Variants in ZNF385D observed in about 807,000 individuals in gnomAD.
The protein encoded by ZNF385D is zinc finger protein 659.
A neutral mutation model predicts 35.8 loss-of-function variants in ZNF385D; 15 were observed. That is an observed-to-expected ratio of 0.42 (90% confidence interval 0.28 to 0.64). The LOEUF (loss-of-function observed/expected upper bound fraction) is 0.64. Ranked by LOEUF, ZNF385D falls within the 30% of genes least tolerant of loss-of-function variation. The pLI, the probability that ZNF385D is intolerant of heterozygous loss-of-function variation, is 0.23. For missense variants in ZNF385D, 474 were observed against 494.6 expected, an observed-to-expected ratio of 0.96 and a Z score of 0.39; for synonymous variants, 212 against 186.8, an observed-to-expected ratio of 1.13 and a Z score of -1.10.
At chr3:21,760,130 C>T (rs2125583335) in intron 3 of ZNF385D, among the ~76,000 whole-genome samples, 1 of 152,250 alleles carries the variant, frequency 6.6e-6, no homozygotes, top group East Asian at 1.9e-4. Flanking sequence ...TTGCTATGCT[C>T]AAACATACTA....
chr3:21,794,639 C>T (rs1182796520), intron 3 of ZNF385D, among the ~76,000 whole-genome samples: 1 of 152,058 alleles, frequency 6.6e-6, no homozygotes, highest in Non-Finnish European at 1.5e-5. Flanking sequence ...CTTTGGGGGT[C>T]TCTTTTATAA....
intron 2 of ZNF385D, among the ~76,000 whole-genome samples, chr3:22,169,724 T>G (rs1278917250): frequency 6.6e-6 from 1 of 152,192 alleles, no homozygotes; most frequent in East Asian, 1.9e-4. Flanking sequence ...TCTGGATAAA[T>G]GTACGCTTTG....
intron 2 of ZNF385D, among the ~76,000 whole-genome samples, chr3:21,639,883 G>T (rs950000486): frequency 1.3e-5 from 2 of 151,866 alleles, no homozygotes; most frequent in Admixed American, 6.6e-5. Flanking sequence ...TACTATTGTA[G>T]TCCAGAAAAA....
At chr3:21,513,041 C>T (rs893156130) in intron 3 of ZNF385D, among the ~76,000 whole-genome samples, 11 of 151,888 alleles carry the variant, frequency 7.2e-5, no homozygotes, top group African/African-American at 2.2e-4. Flanking sequence ...CCACTTATAC[C>T]TCCAAAATAG....
At chr3:22,133,519 T>C (rs1703926595) in intron 3 of ZNF385D, 1 of 152,042 alleles carries the variant, frequency 6.6e-6, no homozygotes, top group African/African-American at 2.4e-5. Context: ...AAAATAAGAA[T>C]GATTAAATTT....
chr3:22,230,435 G>T (rs1698819319), intron 2 of ZNF385D, among the ~76,000 whole-genome samples: 1 of 152,010 alleles, frequency 6.6e-6, no homozygotes, highest in Non-Finnish European at 1.5e-5. Context: ...CGCCTTCCCT[G>T]GAGTTTTCTT....
chr3:22,312,406 A>C (rs1221051282), intron 2 of ZNF385D, among the ~76,000 whole-genome samples: 1 of 152,138 alleles, frequency 6.6e-6, no homozygotes. Flanking sequence ...TAGATATAAC[A>C]TTTTTAGTAC....
At chr3:21,808,852 C>T (rs1422591113) in intron 3 of ZNF385D, among the ~76,000 whole-genome samples, 1 of 152,172 alleles carries the variant, frequency 6.6e-6, no homozygotes, top group Non-Finnish European at 1.5e-5. Flanking sequence ...CTGCTTAAGT[C>T]TCAGATTGAC....
intron 1 of ZNF385D, among the ~76,000 whole-genome samples, chr3:21,670,223 C>T (rs546965362): frequency 1.3e-5 from 2 of 152,036 alleles, no homozygotes; most frequent in East Asian, 3.9e-4. Context: ...TTCCCTACAT[C>T]ATCAACTTAT....
intron 3 of ZNF385D, chr3:21,849,788 T>A (rs898365502): frequency 6.6e-6 from 1 of 151,994 alleles, no homozygotes; most frequent in African/African-American, 2.4e-5. Context: ...AAACTTTTTT[T>A]TTGTTTTTTG....
At chr3:21,552,647 G>A (rs1176792150) in intron 3 of ZNF385D, among the ~76,000 whole-genome samples, 2 of 152,164 alleles carry the variant, frequency 1.3e-5, no homozygotes, top group Non-Finnish European at 2.9e-5. Context: ...TTATTCATAT[G>A]TGTCAGCTTA....
At chr3:22,202,019 G>A (rs919597242) in intron 2 of ZNF385D, among the ~76,000 whole-genome samples, 1 of 151,936 alleles carries the variant, frequency 6.6e-6, no homozygotes, top group African/African-American at 2.4e-5. Context: ...GGTTTCTATT[G>A]GTGGCTTTTG....
chr3:22,257,115 C>T (rs193082582), intron 2 of ZNF385D, among the ~76,000 whole-genome samples: 3 of 151,902 alleles, frequency 2.0e-5, no homozygotes, highest in Admixed American at 2.0e-4. Context: ...CCTTGGGAGA[C>T]TCACAGTTTT....
intron 4 of ZNF385D, among the ~76,000 whole-genome samples, chr3:21,486,729 G>T (rs1705058027): frequency 6.6e-6 from 1 of 152,064 alleles, no homozygotes; most frequent in African/African-American, 2.4e-5. Flanking sequence ...GCTGGAAGTT[G>T]CTCCAAAATA....
At chr3:22,006,643 G>T (rs866483152) in intron 3 of ZNF385D, among the ~76,000 whole-genome samples, 1 of 151,880 alleles carries the variant, frequency 6.6e-6, no homozygotes, top group East Asian at 1.9e-4. Context: ...AATTGGAAAA[G>T]AAAATAGAAG....
At position 22,163,353 on chromosome 3, in the gene ZNF385D, G is replaced by A. The variant is rs144433352; in HGVS notation, c.325+5464C>T. 9.5e-4 allele frequency among the ~76,000 whole-genome samples: 145 copies of A among 152,210 alleles called. No individual in the cohort carries two copies. The East Asian group carries it at 0.013, about 14-fold the overall frequency. On this transcript the variant is annotated intron_variant, in intron 3 of 5. Transcript: ENST00000494108. ...ATAACGTACATCGCCGTCAGAAACC[G>A]AAGTTAGTCTTAACTGCAGGAACAA...
intron 7 of ZNF385D, among the ~76,000 whole-genome samples, chr3:21,422,597 A>G (rs1031231715): frequency 1.3e-5 from 2 of 152,204 alleles, no homozygotes; most frequent in Non-Finnish European, 2.9e-5. Context: ...TCAACAAAAT[A>G]CTGGTAAACC....
intron 3 of ZNF385D, among the ~76,000 whole-genome samples, chr3:21,876,929 G>A (rs1419331387): frequency 6.6e-6 from 1 of 152,040 alleles, no homozygotes; most frequent in Admixed American, 6.6e-5. Flanking sequence ...TGCCCATTAA[G>A]CAGAGAAGCA....
intron 3 of ZNF385D, among the ~76,000 whole-genome samples, chr3:21,807,376 C>T (rs1403268912): frequency 3.9e-5 from 6 of 152,084 alleles, no homozygotes. Flanking sequence ...GATAAAGTTA[C>T]TCTAATTTGT....
Sources: gnomAD v4.1 joint callset for allele counts (sites outside exome capture counted in the v4.1 genomes callset) on GRCh38, gnomAD v4.1.1 for gene constraint, MANE v1.5 for transcripts, NCBI Gene and HGNC (gene_info 2026-07-23, HGNC 2026-07-21) for gene names.